Variants in DGKD observed in about 807,000 individuals in gnomAD.
The protein encoded by DGKD is DAG kinase delta.
DGKD carries 68 observed loss-of-function variants against 154.4 expected under a neutral mutation model. The ratio of observed to expected loss-of-function variants is 0.44; its 90% confidence interval spans 0.36 to 0.54. The LOEUF is 0.54. DGKD is among the 20% of genes least tolerant of loss of function. DGKD has a pLI of 0.00. For missense variants in DGKD, 1,343 were observed against 1,593.6 expected, an observed-to-expected ratio of 0.84 and a Z score of 2.68; for synonymous variants, 693 against 638.0, an observed-to-expected ratio of 1.09 and a Z score of -1.30.
In DGKD at chr2:233,469,866, G is replaced by A. The variant is rs570145852; in HGVS notation, c.*406G>A. The A allele has an allele frequency of 1.8e-4, 30 of 167,488 alleles. No individual in the cohort carries two copies. Among genetic ancestry groups the A allele is most frequent in the Middle Eastern group, 5.5e-3 (2 of 362 alleles). 10.4% of individuals were successfully genotyped at this position (167,488 alleles called of 1,614,324 possible). A position where few individuals can be genotyped will look rare whatever the true frequency, so the allele number is the denominator to read the frequency against. ...CCGTGTGTCCTTCTGTGGCCGCACC[G>A]TGTGGCTCCGCCTCCTGGCCCCCAG... On this transcript the variant is annotated 3_prime_UTR_variant, in exon 30 of 30. Coordinates refer to ENST00000264057, the MANE Select transcript of DGKD (RefSeq NM_152879.3).
Position 233,445,823 on chromosome 2 carries a change from C to A in DGKD, c.1334+61C>A, listed in dbSNP as rs2063049054. The A allele has an allele frequency of 4.6e-6, 7 of 1,510,824 alleles. No individual in the cohort carries two copies. Among genetic ancestry groups the A allele is most frequent in the Non-Finnish European group, 6.2e-6 (7 of 1,126,446 alleles). The allele number at this position is 1,510,824 out of a possible 1,614,324, so 93.6% of individuals were successfully genotyped here. ...ACTTTGAGAGACAGGTCCCTTTGAC[C>A]AGGTGTTCTTAACCTGGGGTCTGTG... is the stretch of plus-strand genomic sequence containing the variant. On this transcript the variant is annotated intron_variant, in intron 11 of 29. Coordinates refer to ENST00000264057, the MANE Select transcript of DGKD (RefSeq NM_152879.3). This position sits in a 1 kb window ranked among gnomAD's most constrained non-coding sequence, Gnocchi z 5.5.
intron 3 of DGKD, among the ~76,000 whole-genome samples, chr2:233,394,786 C>A (rs1335472311): frequency 7.3e-6 from 1 of 136,376 alleles, no homozygotes; most frequent in South Asian, 2.6e-4. Flanking sequence ...TAGCTCACTG[C>A]AGCCTCAAAC....
At chr2:233,411,945 T>C (rs1156257214) in intron 3 of DGKD, among the ~76,000 whole-genome samples, 1 of 152,194 alleles carries the variant, frequency 6.6e-6, no homozygotes, top group Non-Finnish European at 1.5e-5. Context: ...TGAGTCTCTT[T>C]CCAGATTTTC....
chr2:233,436,972 C>T (rs2062717820), intron 7 of DGKD, among the ~76,000 whole-genome samples: 1 of 152,230 alleles, frequency 6.6e-6, no homozygotes. Flanking sequence ...TGTGAAGTGG[C>T]TGCTGCAGTC....
chr2:233,427,642 T>G (rs886492904), intron 3 of DGKD, among the ~76,000 whole-genome samples: 1 of 152,244 alleles, frequency 6.6e-6, no homozygotes, highest in African/African-American at 2.4e-5. Flanking sequence ...GCGCCCAGCC[T>G]TATTGCCCTG....
chr2:233,405,851 A>G (rs1385688280), intron 3 of DGKD, among the ~76,000 whole-genome samples: 1 of 152,256 alleles, frequency 6.6e-6, no homozygotes. Context: ...CTGCATATAT[A>G]AAGGGCAGTT....
At chr2:233,397,469 G>A (rs1279291209) in intron 3 of DGKD, among the ~76,000 whole-genome samples, 2 of 142,276 alleles carry the variant, frequency 1.4e-5, no homozygotes, top group African/African-American at 5.2e-5. Flanking sequence ...GGACACCAGA[G>A]GGGAGCAGGG....
chr2:233,431,542 A>G (rs2062510752), intron 3 of DGKD, among the ~76,000 whole-genome samples: 1 of 152,204 alleles, frequency 6.6e-6, no homozygotes, highest in African/African-American at 2.4e-5. Context: ...CTGATGAAAA[A>G]TTGGAGGAAT....
intron 1 of DGKD, among the ~76,000 whole-genome samples, chr2:233,382,676 G>A (rs1033105351): frequency 9.2e-5 from 14 of 152,130 alleles, no homozygotes; most frequent in African/African-American, 3.1e-4. Flanking sequence ...CTTTTACTGC[G>A]TAAATGTGGA....
chr2:233,434,908 A>G lies in DGKD; in HGVS notation c.586+7A>G. 6.2e-7 allele frequency: 1 copy of G among 1,605,404 alleles called. No individual in the cohort carries two copies. Among genetic ancestry groups the G allele is most frequent in the South Asian group, 1.1e-5 (1 of 90,598 alleles). On this transcript the variant is annotated splice_region_variant and intron_variant, in intron 5 of 29. Transcript: ENST00000264057. The stretch of plus-strand genomic sequence containing the variant: ...CACGGGCTGTCCTGCGAGGGTACGG[A>G]TGTGCGTTTGTTATTCTGTCAGGAA...
chr2:233,468,648 A>G, intron 29 of DGKD, 95 bp downstream of exon 29: 1 of 1,558,670 alleles, frequency 6.4e-7, no homozygotes, highest in Non-Finnish European at 8.7e-7. Flanking sequence ...ATGTCCCAGC[A>G]TCACGATTCT....
At chr2:233,435,957 A>G (rs1350898054) in intron 6 of DGKD, 33 bp downstream of exon 6, 1 of 1,565,164 alleles carries the variant, frequency 6.4e-7, no homozygotes, top group South Asian at 1.2e-5. Context: ...TGGGGCCCTG[A>G]GCCAGGGTCC....
chr2:233,434,674 T>C lies in DGKD; in HGVS notation c.454-95T>C. ...TCCTTTATAAACCTTCCTCCTCTCC[T>C]CTCTTGGATACTTTGTTTAATCTTG... On this transcript the variant is annotated intron_variant, in intron 4 of 29. Transcript: ENST00000264057. 4 of 1,550,498 alleles carry C rather than the reference T, an allele frequency of 2.6e-6. No homozygotes were observed. In the East Asian group the frequency reaches 6.8e-5, roughly 26 times the overall value.
At chr2:233,363,657 C>G (rs1353243225) in intron 1 of DGKD, among the ~76,000 whole-genome samples, 1 of 152,192 alleles carries the variant, frequency 6.6e-6, no homozygotes, top group Non-Finnish European at 1.5e-5. Context: ...AACTTCCAGC[C>G]CTGCAAGCTC....
At position 233,449,083 on chromosome 2, in the gene DGKD, C is replaced by T. The variant is rs1293458458; in HGVS notation, c.1615-20C>T. 2.5e-6 allele frequency: 4 copies of T among 1,573,332 alleles called. No homozygotes were observed. The highest frequency in any genetic ancestry group is 2.6e-6 in the Non-Finnish European group (3 of 1,151,600). ...GTTCTCCTGCCTCAGCTCTGCATGC[C>T]ATTTCCTTTCCTTGTTCAGTGCTCT... On this transcript the variant is annotated intron_variant, in intron 14 of 29. Transcript: ENST00000264057. The surrounding 1 kb of genome is among the most constrained non-coding windows in gnomAD (Gnocchi z 5.3).
At chr2:233,389,922 T>C (rs1703478126) in intron 2 of DGKD, among the ~76,000 whole-genome samples, 1 of 152,140 alleles carries the variant, frequency 6.6e-6, no homozygotes, top group African/African-American at 2.4e-5. Context: ...CTGTCTCTCT[T>C]CTCCAGAAGA....
intron 5 of DGKD, 109 bp downstream of exon 5, chr2:233,435,010 G>T: frequency 6.7e-7 from 1 of 1,488,384 alleles, no homozygotes; most frequent in Non-Finnish European, 9.0e-7. Flanking sequence ...TGTCACCCAT[G>T]TGGTCAGTCA....
intron 3 of DGKD, among the ~76,000 whole-genome samples, chr2:233,424,076 C>G (rs1010112205): frequency 6.6e-6 from 1 of 152,102 alleles, no homozygotes; most frequent in Non-Finnish European, 1.5e-5. Context: ...AAGAGGGGGT[C>G]CATTCAGAAT....
chr2:233,410,697 C>G (rs989193729), intron 3 of DGKD, among the ~76,000 whole-genome samples: 1 of 152,114 alleles, frequency 6.6e-6, no homozygotes, highest in African/African-American at 2.4e-5. Flanking sequence ...ACATGAAAAC[C>G]ATTTTTTGTG....
Sources: allele counts gnomAD v4.1 joint callset (sites outside exome capture counted in the v4.1 genomes callset), GRCh38; gene constraint gnomAD v4.1.1; non-coding constraint Gnocchi (gnomAD v3.1); transcripts MANE v1.5; gene names NCBI Gene and HGNC (gene_info 2026-07-23, HGNC 2026-07-21).